The following COG7 variants were observed in gnomAD, a reference collection of about 807,000 sequenced individuals.
COG7 encodes the protein conserved oligomeric Golgi complex subunit 7.
COG7 carries 49 observed loss-of-function variants against 91.5 expected under a neutral mutation model. The observed-to-expected ratio is 0.54, with a 90% CI of 0.43 to 0.68. The LOEUF is 0.68. COG7 is among the 30% of genes least tolerant of loss of function. COG7 has a pLI of 0.00. For synonymous variants in COG7, 365 were observed against 388.7 expected, an observed-to-expected ratio of 0.94 and a Z score of 0.72; for missense variants, 895 against 961.3, an observed-to-expected ratio of 0.93 and a Z score of 0.91.
intron 11 of COG7, among the ~76,000 whole-genome samples, chr16:23,406,739 G>A (rs1454688414): frequency 6.6e-6 from 1 of 152,166 alleles, no homozygotes; most frequent in Non-Finnish European, 1.5e-5. Context: ...TTACCCATGG[G>A]CCCACCTGTC....
intron 6 of COG7, among the ~76,000 whole-genome samples, chr16:23,431,140 C>T (rs368273984): frequency 1.5e-3 from 236 of 152,272 alleles, no homozygotes; most frequent in Middle Eastern, 3.4e-3. Context: ...CACTGTACAA[C>T]GTAGGAGGTG....
Position 23,445,865 on chromosome 16 carries a change from A to C in COG7, c.266T>G (p.Leu89Arg). The C allele has an allele frequency of 6.2e-7, 1 of 1,614,082 alleles. No individual in the cohort carries two copies. The highest frequency in any genetic ancestry group is 8.5e-7 in the Non-Finnish European group (1 of 1,179,996). ...AAATTTTTTAATGTCCTCCTTGACA[A>C]GAATCATCTGTTCTTTCAGGAAAGA... ...EASFLKEQMI[L>R]VKEDIKKFEQ... The change falls in exon 2 of 17, where the codon CTT becomes CGT. Residue 89 changes from leucine to arginine, a missense_variant. Transcript: ENST00000307149.
chr16:23,392,320 A>G (rs776639000), intron 16 of COG7, 60 bp downstream of exon 16: 4 of 1,611,584 alleles, frequency 2.5e-6, no homozygotes, highest in Non-Finnish European at 3.4e-6. Flanking sequence ...GCAAAGGAGA[A>G]ACTGACAGAT....
chr16:23,444,025 G>C (rs60955224), intron 3 of COG7, among the ~76,000 whole-genome samples: 1 of 150,452 alleles, frequency 6.6e-6, no homozygotes, highest in Non-Finnish European at 1.5e-5. Flanking sequence ...GGTAGTGCGC[G>C]CCTATAATCC....
Position 23,388,794 on chromosome 16 carries a change from C to G in COG7, c.*126G>C. The G allele has an allele frequency of 6.6e-7, 1 of 1,525,054 alleles. No homozygotes were observed. Among genetic ancestry groups the G allele is most frequent in the Non-Finnish European group, 8.8e-7 (1 of 1,136,616 alleles). The allele number at this position is 1,525,054 out of a possible 1,614,324, so 94.5% of individuals were successfully genotyped here. On this transcript the variant is annotated 3_prime_UTR_variant, in exon 17 of 17. Coordinates refer to ENST00000307149, the MANE Select transcript of COG7 (RefSeq NM_153603.4). ...GGATTACAGGCGTGAGCCACCGTGA[C>G]CAGCTGAACCAAGTCTTTTTAAAGT... is the stretch of plus-strand genomic sequence containing the variant.
At chr16:23,442,802 G>A (rs950198889) in intron 3 of COG7, among the ~76,000 whole-genome samples, 157 bp from the exon 4 acceptor site, 6 of 152,102 alleles carry the variant, frequency 3.9e-5, no homozygotes, top group African/African-American at 1.4e-4. Flanking sequence ...TTCGGAGATT[G>A]AGGCAGGAGG....
intron 4 of COG7, among the ~76,000 whole-genome samples, chr16:23,439,158 CAA>C (rs1288559124): frequency 3.7e-5 from 2 of 53,744 alleles, no homozygotes; most frequent in African/African-American, 7.4e-5. Context: ...ACTGTGTCTC[CAA>C]AAAAAAAAAA....
intron 6 of COG7, among the ~76,000 whole-genome samples, chr16:23,432,464 T>G (rs1419554588): frequency 6.6e-6 from 1 of 151,818 alleles, no homozygotes; most frequent in Non-Finnish European, 1.5e-5. Flanking sequence ...TCTATCTGAG[T>G]GCTATTGAAA....
Position 23,453,160 on chromosome 16 carries a change from G to GA in COG7, c.-167_-166insT. 1 of 1,414,662 alleles carries GA rather than the reference G, an allele frequency of 7.1e-7. No individual in the cohort carries two copies. Among genetic ancestry groups the GA allele is most frequent in the Non-Finnish European group, 9.3e-7 (1 of 1,077,864 alleles). The allele number at this position is 1,414,662 out of a possible 1,614,324, so 87.6% of individuals were successfully genotyped here. ...GCCCCTTTGCGCTTCCCCGCTCAGC[G>GA]CACTCAGTTTGCGGCTGGGAATGAC... On this transcript the variant is annotated 5_prime_UTR_variant, in exon 1 of 17. Coordinates refer to ENST00000307149, the MANE Select transcript of COG7 (RefSeq NM_153603.4).
In COG7 at chr16:23,406,159, T is replaced by C; in HGVS notation, c.1579A>G (p.Asn527Asp). 6.2e-7 allele frequency: 1 copy of C among 1,613,986 alleles called. No homozygotes were observed. The highest frequency in any genetic ancestry group is 1.3e-5 in the African/African-American group (1 of 75,020). The change falls in exon 12 of 17, where the codon AAC (asparagine) becomes GAC (aspartate). Residue 527 changes from asparagine (N) to aspartate (D), a missense_variant. Coordinates refer to ENST00000307149, the MANE Select transcript of COG7 (RefSeq NM_153603.4). ...ILTDKKNSAK[N>D]PWQEYNYLQK... is the part of the protein sequence containing the mutation. ...AGGTAATTATATTCTTGCCATGGGT[T>C]CTTGGCAGAGTTCTTCTTGTCTGTC...
intron 11 of COG7, among the ~76,000 whole-genome samples, chr16:23,409,088 T>TGTGTGTGTGTGTGTGTGTGCGCGC (rs567307217): frequency 2.4e-4 from 36 of 147,906 alleles, no homozygotes; most frequent in African/African-American, 7.3e-4. Flanking sequence ...TGTGTGTGTG[T>TGTGTGTGTGTGTGTGTGTGCGCGC]GCGTGCATGT....
rs1415853002 is a variant in COG7 at position 23,434,731 on chromosome 16, C to T, written c.605-13G>A. ...ACTTTGGACTGATCTAAAGAACATA[C>T]AATGTATATATACTGTTACCAGCCT... is the stretch of plus-strand genomic sequence containing the variant. On this transcript the variant is annotated splice_polypyrimidine_tract_variant and intron_variant, in intron 4 of 16. Coordinates refer to ENST00000307149, the MANE Select transcript of COG7 (RefSeq NM_153603.4). The T allele has an allele frequency of 1.3e-6, 2 of 1,581,106 alleles. No individual in the cohort carries two copies. The highest frequency in any genetic ancestry group is 1.7e-5 in the Admixed American group (1 of 59,940).
At position 23,406,114 on chromosome 16, in the gene COG7, C is replaced by T; in HGVS notation, c.1624G>A (p.Glu542Lys). Residue 542 changes from glutamate (E) to lysine (K), a missense_variant, in exon 12 of 17, where the codon GAA (glutamate) becomes AAA (lysine). Physicochemically the swap from Glu to Lys is moderately conservative, Grantham distance 56. Transcript: ENST00000307149. ...YNYLQKDNPA[E>K]YASLMEILYT... Reference sequence around the variant, plus strand: ...AGTATTTCCATTAAACTGGCATATTCAGCAGGGTTATCTTTCTGGAGGTAA... The same window carrying T: ...AGTATTTCCATTAAACTGGCATATTTAGCAGGGTTATCTTTCTGGAGGTAA... The T allele has an allele frequency of 6.2e-7, 1 of 1,614,134 alleles. No homozygotes were observed. Among genetic ancestry groups the T allele is most frequent in the Non-Finnish European group, 8.5e-7 (1 of 1,180,006 alleles).
At chr16:23,424,983 T>C in intron 6 of COG7, 36 bp from the exon 7 acceptor site, 20 of 1,555,124 alleles carry the variant, frequency 1.3e-5, no homozygotes, top group Non-Finnish European at 1.8e-5. Context: ...CCTTAGCACA[T>C]GGAGCCAAAT....
chr16:23,438,544 C>T (rs942597912), intron 4 of COG7, among the ~76,000 whole-genome samples: 4 of 151,894 alleles, frequency 2.6e-5, no homozygotes, highest in African/African-American at 9.7e-5. Context: ...GGTGACAGTG[C>T]AAGACCCTGT....
At position 23,397,797 on chromosome 16, in the gene COG7, C is replaced by G. The variant is rs188675399; in HGVS notation, c.1887+249G>C. 3.0e-3 allele frequency among the ~76,000 whole-genome samples: 454 copies of G among 152,316 alleles called. 1 individual carries two copies. Among genetic ancestry groups the G allele is most frequent in the Non-Finnish European group, 4.8e-3 (326 of 68,036 alleles). On this transcript the variant is annotated intron_variant, in intron 14 of 16. Coordinates refer to ENST00000307149, the MANE Select transcript of COG7 (RefSeq NM_153603.4). Reference sequence around the variant, plus strand: ...ATTAGACTCTCAACTCTGACGCCCTCAGGTACTGGCCACATCTCATATAGG... The same window carrying G: ...ATTAGACTCTCAACTCTGACGCCCTGAGGTACTGGCCACATCTCATATAGG...
Position 23,442,578 on chromosome 16 carries a change from G to C in COG7, c.503C>G (p.Pro168Arg), listed in dbSNP as rs1385977854. The change falls in exon 4 of 17, where the codon CCA becomes CGA. Residue 168 changes from proline to arginine, a missense_variant. Pro to Arg is a moderately radical substitution (Grantham distance 103, BLOSUM62 -2). Transcript: ENST00000307149. ...GTGCACACACTTTTCTGAGTAGTCTGGTGTATCAACAAGCATCATTAAGCT... is the reference window on the plus strand; with the variant it reads ...GTGCACACACTTTTCTGAGTAGTCTCGTGTATCAACAAGCATCATTAAGCT... The part of the protein sequence containing the change: ...QNSLMMLVDT[P>R]DYSEKCVHLE... 2 of 1,613,780 alleles carry C rather than the reference G, an allele frequency of 1.2e-6. No homozygotes were observed. The highest frequency in any genetic ancestry group is 1.7e-5 in the Admixed American group (1 of 59,986).
chr16:23,405,627 C>T (rs1310718080), intron 12 of COG7, among the ~76,000 whole-genome samples: 1 of 151,808 alleles, frequency 6.6e-6, no homozygotes, highest in African/African-American at 2.4e-5. Context: ...AGTGATTCTC[C>T]CACCTCTGCC....
chr16:23,413,749 ACT>A, intron 9 of COG7, 185 bp from the exon 10 acceptor site: 2 of 555,644 alleles, frequency 3.6e-6, no homozygotes, highest in Non-Finnish European at 6.5e-6. Flanking sequence ...ATGTGGCAAG[ACT>A]GTCTTCACCA....
Sources: allele counts gnomAD v4.1 joint callset (sites outside exome capture counted in the v4.1 genomes callset), GRCh38; gene constraint gnomAD v4.1.1; transcripts MANE v1.5; gene names NCBI Gene and HGNC (gene_info 2026-07-23, HGNC 2026-07-21).